PCED1B: variants seen among roughly 807,000 people sequenced by gnomAD.
PCED1B encodes PC-esterase domain containing 1B.
For synonymous variants in PCED1B, 251 were observed against 246.1 expected (o/e 1.02, Z -0.19); for missense variants, 573 against 573.9 (o/e 1.00, Z 0.02).
intron 2 of PCED1B, among the ~76,000 whole-genome samples, chr12:47,201,333 GT>G (rs1358544874): frequency 2.0e-5 from 3 of 152,176 alleles, no homozygotes; most frequent in Admixed American, 6.5e-5. Context: ...GCTTGCCACA[GT>G]TTCATATCAG....
rs150347355 is a variant in PCED1B, at chr12:47,093,313, T to A, written c.-608-10800T>A. ...TTTTATTGTCCTTTTGATGCTTGTA[T>A]GATCTATAGTGATATCTCCTTTTTC... On this transcript the variant is annotated intron_variant, in intron 1 of 3. Transcript: ENST00000546455. Among the ~76,000 whole-genome samples, 156 of 152,092 alleles carry A rather than the reference T, an allele frequency of 1.0e-3. 1 individual carries two copies. The highest frequency in any genetic ancestry group is 3.7e-3 in the African/African-American group (154 of 41,592).
At chr12:47,112,428 C>T (rs919537424) in intron 2 of PCED1B, among the ~76,000 whole-genome samples, 2 of 152,180 alleles carry the variant, frequency 1.3e-5, no homozygotes, top group East Asian at 3.8e-4. Context: ...CTCTATACTT[C>T]ATTAAGTTTC....
intron 2 of PCED1B, chr12:47,135,672 G>T: frequency 1.9e-6 from 1 of 520,478 alleles, no homozygotes; most frequent in Non-Finnish European, 3.9e-6. Context: ...GTAGATGAAT[G>T]CTATGAAGTC....
At chr12:47,177,604 T>A (rs778693763) in intron 2 of PCED1B, among the ~76,000 whole-genome samples, 1 of 152,024 alleles carries the variant, frequency 6.6e-6, no homozygotes, top group Non-Finnish European at 1.5e-5. Context: ...TAGTCCAGCC[T>A]GGTGGTGGGG....
At chr12:47,167,105 G>A (rs1486962240) in intron 2 of PCED1B, among the ~76,000 whole-genome samples, 4 of 152,098 alleles carry the variant, frequency 2.6e-5, no homozygotes, top group African/African-American at 9.7e-5. Flanking sequence ...AAGAGTTATT[G>A]AGTCCTCTTC....
rs370732880 is a variant in PCED1B, at chr12:47,235,279, C to A, written c.216C>A (p.Asn72Lys). 6.2e-7 allele frequency: 1 copy of A among 1,614,042 alleles called. No individual in the cohort carries two copies. The highest frequency in any genetic ancestry group is 8.5e-7 in the Non-Finnish European group (1 of 1,179,998). Reference sequence around the variant, plus strand: ...GAGGCCAGCGGGGCCACATGCACAACGGCCTTAACTACCGTGAGGTCCGCG... The same window carrying A: ...GAGGCCAGCGGGGCCACATGCACAAAGGCCTTAACTACCGTGAGGTCCGCG... ...VDGGQRGHMHNGLNYREVREF... is the reference protein window; with the variant it reads ...VDGGQRGHMHKGLNYREVREF... Residue 72 changes from asparagine (N) to lysine (K), a missense_variant, in exon 4 of 4, where the codon AAC becomes AAA. By Grantham distance (94) the Asn-to-Lys change is moderately conservative. Coordinates refer to ENST00000546455, the MANE Select transcript of PCED1B (RefSeq NM_138371.3).
chr12:47,233,075 G>A (rs1414079840), intron 3 of PCED1B, among the ~76,000 whole-genome samples: 1 of 152,068 alleles, frequency 6.6e-6, no homozygotes, highest in Non-Finnish European at 1.5e-5. Flanking sequence ...ACCATGCCCA[G>A]TTAATTTTTG....
chr12:47,162,121 T>TG lies in PCED1B; in HGVS notation c.-525-54092dup, dbSNP rs533931664. On this transcript the variant is annotated intron_variant, in intron 2 of 3. Transcript: ENST00000546455. ...CACACTGGGGCCTGTTGTGGGGTGG[T>TG]GGGGGGGGGAAGGATAGCATTAGGA... Among the ~76,000 whole-genome samples the TG allele has an allele frequency of 1.5e-3, 172 of 111,362 alleles. 2 individuals carry two copies. The South Asian group carries it at 0.025, about 16-fold the overall frequency. 73.1% of individuals were successfully genotyped at this position (111,362 alleles called of 152,430 possible). A position where few individuals can be genotyped will look rare whatever the true frequency, so the allele number is the denominator to read the frequency against.
At chr12:47,141,696 C>A (rs1940598820) in intron 2 of PCED1B, among the ~76,000 whole-genome samples, 1 of 152,168 alleles carries the variant, frequency 6.6e-6, no homozygotes, top group African/African-American at 2.4e-5. Context: ...TTCAAAGAGC[C>A]CTGTAACTTG....
At chr12:47,218,573 T>C (rs753683152) in intron 3 of PCED1B, among the ~76,000 whole-genome samples, 2 of 152,108 alleles carry the variant, frequency 1.3e-5, no homozygotes, top group South Asian at 2.1e-4. Flanking sequence ...AGCCACAAAC[T>C]CCTGGGTGCA....
chr12:47,203,781 A>C (rs1006363641), intron 2 of PCED1B, among the ~76,000 whole-genome samples: 5 of 152,146 alleles, frequency 3.3e-5, no homozygotes, highest in African/African-American at 1.2e-4. Context: ...ATACATATGC[A>C]TGTGTCTTTA....
intron 2 of PCED1B, among the ~76,000 whole-genome samples, chr12:47,121,671 G>T (rs1939683809): frequency 6.6e-6 from 1 of 152,122 alleles, no homozygotes; most frequent in Non-Finnish European, 1.5e-5. Context: ...GATGGGAGTA[G>T]TAGAGAAGTA....
At chr12:47,142,275 T>A (rs902546988) in intron 2 of PCED1B, among the ~76,000 whole-genome samples, 2 of 152,056 alleles carry the variant, frequency 1.3e-5, no homozygotes, top group Non-Finnish European at 2.9e-5. Flanking sequence ...CCAACCCCAC[T>A]CAACTGCAAT....
chr12:47,235,436 C>T lies in PCED1B; in HGVS notation c.373C>T (p.Leu125Phe), dbSNP rs1328788509. Residue 125 changes from leucine to phenylalanine, a missense_variant, in exon 4 of 4, where the codon CTC (leucine) becomes TTC (phenylalanine). By Grantham distance (22) the Leu-to-Phe change is conservative. Coordinates refer to ENST00000546455, the MANE Select transcript of PCED1B (RefSeq NM_138371.3). ...APDLVIMNSC[L>F]WDISRYGPNS... ...CGACCTGGTCATCATGAATTCCTGC[C>T]TCTGGGACATCTCCAGGTATGGTCC... is the stretch of plus-strand genomic sequence containing the variant. 1.1e-5 allele frequency: 17 copies of T among 1,614,080 alleles called. No individual in the cohort carries two copies. Among genetic ancestry groups the T allele is most frequent in the Non-Finnish European group, 1.4e-5 (16 of 1,180,048 alleles).
At chr12:47,111,752 A>G (rs1592152203) in intron 2 of PCED1B, among the ~76,000 whole-genome samples, 1 of 152,290 alleles carries the variant, frequency 6.6e-6, no homozygotes, top group Admixed American at 6.5e-5. Context: ...TTAAAGAGCC[A>G]ATAAATACTT....
At chr12:47,085,604 C>G (rs1937940506) in intron 1 of PCED1B, among the ~76,000 whole-genome samples, 1 of 151,292 alleles carries the variant, frequency 6.6e-6, no homozygotes, top group Non-Finnish European at 1.5e-5. Flanking sequence ...GGTGACAAAG[C>G]AAAAAAATTA....
intron 2 of PCED1B, among the ~76,000 whole-genome samples, chr12:47,178,357 C>G (rs1295577937): frequency 1.3e-5 from 2 of 152,038 alleles, no homozygotes; most frequent in African/African-American, 4.8e-5. Context: ...TGCAAAGCAC[C>G]CACTTGTAGA....
At chr12:47,209,762 C>A (rs1480482751) in intron 2 of PCED1B, 1 of 152,146 alleles carries the variant, frequency 6.6e-6, no homozygotes, top group African/African-American at 2.4e-5. Flanking sequence ...AGGCTGGTAT[C>A]TTCAGAAAAA....
chr12:47,214,425 G>C (rs1467379195), intron 2 of PCED1B, among the ~76,000 whole-genome samples: 3 of 152,184 alleles, frequency 2.0e-5, no homozygotes, highest in Non-Finnish European at 4.4e-5. Context: ...ATTTTGTGCT[G>C]TAAGGGAGGG....
Sources: gnomAD v4.1 joint callset for allele counts (sites outside exome capture counted in the v4.1 genomes callset) on GRCh38, gnomAD v4.1.1 for gene constraint, MANE v1.5 for transcripts, NCBI Gene and HGNC (gene_info 2026-07-23, HGNC 2026-07-21) for gene names.